The following ADAMTS3 variants were observed in gnomAD, a reference collection of about 807,000 sequenced individuals.
ADAMTS3 encodes the protein A disintegrin and metalloproteinase with thrombospondin motifs 3.
A neutral mutation model predicts 129.0 loss-of-function variants in ADAMTS3; 73 were observed. The ratio of observed to expected loss-of-function variants is 0.57; its 90% CI spans 0.47 to 0.69. The LOEUF (loss-of-function observed/expected upper bound fraction) is 0.69. ADAMTS3 is among the 30% of genes least tolerant of loss of function. The pLI is 0.00. For missense variants in ADAMTS3, 1,457 were observed against 1,514.5 expected, an observed-to-expected ratio of 0.96 and a Z score of 0.63; for synonymous variants, 477 against 510.8, an observed-to-expected ratio of 0.93 and a Z score of 0.89.
intron 4 of ADAMTS3, among the ~76,000 whole-genome samples, chr4:72,391,309 T>C (rs1219683412): frequency 6.6e-6 from 1 of 152,206 alleles, no homozygotes; most frequent in African/African-American, 2.4e-5. Flanking sequence ...ATTGCTCAAA[T>C]TGGTATTAGC....
intron 3 of ADAMTS3, among the ~76,000 whole-genome samples, chr4:72,521,985 C>T (rs953398513): frequency 2.0e-5 from 3 of 152,060 alleles, no homozygotes; most frequent in African/African-American, 7.2e-5. Context: ...AAAACAGAGC[C>T]GTATATGTCC....
At chr4:72,532,463 G>A (rs1314343877) in intron 3 of ADAMTS3, among the ~76,000 whole-genome samples, 6 of 151,248 alleles carry the variant, frequency 4.0e-5, no homozygotes, top group African/African-American at 1.2e-4. Flanking sequence ...CTAAGGGACA[G>A]TTCCTTCTGC....
chr4:72,489,070 G>C (rs555374787), intron 3 of ADAMTS3, among the ~76,000 whole-genome samples: 3 of 151,994 alleles, frequency 2.0e-5, no homozygotes, highest in African/African-American at 4.8e-5. Flanking sequence ...TTAGCATAAA[G>C]TCCTCCAGAT....
At chr4:72,382,749 G>A (rs1721327008) in intron 4 of ADAMTS3, among the ~76,000 whole-genome samples, 1 of 152,128 alleles carries the variant, frequency 6.6e-6, no homozygotes. Flanking sequence ...GTAGCTGGAG[G>A]CTGTTATCCT....
intron 3 of ADAMTS3, among the ~76,000 whole-genome samples, chr4:72,457,348 A>G (rs961156077): frequency 6.6e-6 from 1 of 151,692 alleles, no homozygotes; most frequent in Non-Finnish European, 1.5e-5. Flanking sequence ...TTGTAGTATA[A>G]GGGAATAAAA....
chr4:72,305,884 G>A, intron 16 of ADAMTS3, 103 bp downstream of exon 16: 1 of 932,478 alleles, frequency 1.1e-6, no homozygotes, highest in South Asian at 1.4e-5. Context: ...ATATACGTAT[G>A]CACATATATG....
At chr4:72,437,646 C>CTA (rs1717981228) in intron 3 of ADAMTS3, among the ~76,000 whole-genome samples, 4 of 151,700 alleles carry the variant, frequency 2.6e-5, no homozygotes, top group African/African-American at 9.7e-5. Context: ...AGCCAAGCCT[C>CTA]TGTGTTGGTG....
intron 21 of ADAMTS3, among the ~76,000 whole-genome samples, chr4:72,284,012 A>G (rs1277168658): frequency 1.3e-5 from 2 of 152,152 alleles, no homozygotes; most frequent in African/African-American, 4.8e-5. Flanking sequence ...ATGGGCAAAG[A>G]TAATTTATTT....
intron 4 of ADAMTS3, among the ~76,000 whole-genome samples, chr4:72,359,137 A>T (rs1378912968): frequency 6.6e-6 from 1 of 152,034 alleles, no homozygotes; most frequent in Non-Finnish European, 1.5e-5. Flanking sequence ...AGAGAACAAG[A>T]TCTTCTAAGA....
At chr4:72,551,740 A>G (rs988753907) in intron 2 of ADAMTS3, among the ~76,000 whole-genome samples, 1 of 152,188 alleles carries the variant, frequency 6.6e-6, no homozygotes, top group Non-Finnish European at 1.5e-5. Context: ...AAGCAGACCT[A>G]GAAGACTTGA....
chr4:72,454,561 G>A (rs1718492159), intron 3 of ADAMTS3, among the ~76,000 whole-genome samples: 1 of 151,692 alleles, frequency 6.6e-6, no homozygotes, highest in Admixed American at 6.6e-5. Flanking sequence ...GCACATGCTT[G>A]AAATGTAGCA....
At chr4:72,283,761 AG>A in intron 21 of ADAMTS3, 57 bp from the exon 22 acceptor site, 1 of 1,429,782 alleles carries the variant, frequency 7.0e-7, no homozygotes, top group Non-Finnish European at 9.2e-7. Flanking sequence ...AAATAAAAGG[AG>A]GAAAAAAATT....
chr4:72,493,249 G>A (rs1398171802), intron 3 of ADAMTS3, among the ~76,000 whole-genome samples: 2 of 151,888 alleles, frequency 1.3e-5, no homozygotes, highest in Non-Finnish European at 2.9e-5. Context: ...AGGACATACT[G>A]TTACCACTTT....
intron 10 of ADAMTS3, among the ~76,000 whole-genome samples, chr4:72,317,403 C>A (rs1332998294): frequency 1.3e-5 from 2 of 151,590 alleles, no homozygotes; most frequent in African/African-American, 4.9e-5. Flanking sequence ...TTCTTTCTAG[C>A]CCCATGAAAC....
In ADAMTS3 at chr4:72,554,984, C is replaced by T. The variant is rs188410247; in HGVS notation, c.98-6100G>A. 2.8e-4 allele frequency among the ~76,000 whole-genome samples: 42 copies of T among 151,880 alleles called. No individual in the cohort carries two copies. The East Asian group carries it at 7.9e-3, about 29-fold the overall frequency. On this transcript the variant is annotated intron_variant, in intron 2 of 21. Transcript: ENST00000286657. ...TGAGCTAATCAATTCACAGTGCTTACAACACTGTCTGGCACATAGTAAATA... is the reference window on the plus strand; with the variant it reads ...TGAGCTAATCAATTCACAGTGCTTATAACACTGTCTGGCACATAGTAAATA...
At chr4:72,295,387 G>C (rs751487008) in intron 19 of ADAMTS3, among the ~76,000 whole-genome samples, 1 of 151,966 alleles carries the variant, frequency 6.6e-6, no homozygotes, top group Non-Finnish European at 1.5e-5. Flanking sequence ...TCAAGGAATA[G>C]AAGCAAAAAC....
At chr4:72,476,964 T>C (rs1719252445) in intron 3 of ADAMTS3, among the ~76,000 whole-genome samples, 1 of 152,142 alleles carries the variant, frequency 6.6e-6, no homozygotes, top group Non-Finnish European at 1.5e-5. Flanking sequence ...AAAAATCATT[T>C]GACAGAATTC....
At chr4:72,474,631 TA>T (rs1719175674) in intron 3 of ADAMTS3, among the ~76,000 whole-genome samples, 1 of 152,064 alleles carries the variant, frequency 6.6e-6, no homozygotes, top group Non-Finnish European at 1.5e-5. Flanking sequence ...TTCAAACTGG[TA>T]AAATGACAAC....
chr4:72,499,649 C>T (rs540062061), intron 3 of ADAMTS3, among the ~76,000 whole-genome samples: 8 of 152,046 alleles, frequency 5.3e-5, no homozygotes, highest in Admixed American at 2.6e-4. Context: ...ATTTTAGATT[C>T]GGGAGTACAT....
Sources: gnomAD v4.1 joint callset for allele counts (sites outside exome capture counted in the v4.1 genomes callset) on GRCh38, gnomAD v4.1.1 for gene constraint, MANE v1.5 for transcripts, NCBI Gene and HGNC (gene_info 2026-07-23, HGNC 2026-07-21) for gene names.